The following CCDC22 variants were observed in gnomAD, a reference collection of about 807,000 sequenced individuals.
The protein encoded by CCDC22 is CCC complex scaffolding subunit CCDC22.
A neutral mutation model predicts 53.1 loss-of-function variants in CCDC22; 4 were observed. The ratio of observed to expected loss-of-function variants is 0.08; its 90% CI spans 0.04 to 0.17. The LOEUF is 0.17. Ranked by LOEUF, CCDC22 falls within the 10% of genes least tolerant of loss-of-function variation. The probability of loss-of-function intolerance (pLI) is 1.00; values close to 1 mark genes in which losing one functional copy is unlikely to be tolerated. For synonymous variants in CCDC22, 222 were observed against 224.4 expected, an observed-to-expected ratio of 0.99 and a Z score of 0.10; for missense variants, 458 against 554.0, an observed-to-expected ratio of 0.83 and a Z score of 1.74.
chrX:49,241,981 T>C (rs2065965844), intron 2 of CCDC22, 35 bp from the exon 3 acceptor site: 9 of 1,204,675 alleles, frequency 7.5e-6, no homozygotes, highest in Non-Finnish European at 1.0e-5. Flanking sequence ...AGGAGGACCC[T>C]GCCTGCTTCC....
rs782032185 is a variant in CCDC22 at position 49,242,853 on chromosome X, A to T, written c.362-33A>T. The T allele has an allele frequency of 9.6e-6, 9 of 939,284 alleles. No homozygotes were observed. The East Asian group carries it at 3.1e-4, about 32-fold the overall frequency. The allele number at this position is 939,284 out of a possible 1,213,427, so 77.4% of individuals were successfully genotyped here. A position where few individuals can be genotyped will look rare whatever the true frequency, so the allele number is the denominator to read the frequency against. On this transcript the variant is annotated intron_variant, in intron 3 of 16. Coordinates refer to ENST00000376227, the MANE Select transcript of CCDC22 (RefSeq NM_014008.5). ...ATGCCCTTTTGGATTTGCAGCATTGACATCTGATTCACTTCCTCCCTATCC... is the reference window on the plus strand; with the variant it reads ...ATGCCCTTTTGGATTTGCAGCATTGTCATCTGATTCACTTCCTCCCTATCC...
Position 49,243,142 on chromosome X carries a change from C to T in CCDC22, c.493C>T (p.His165Tyr), listed in dbSNP as rs1557113636. 2 of 1,211,783 alleles carry T rather than the reference C, an allele frequency of 1.7e-6. No individual in the cohort carries two copies. The highest frequency in any genetic ancestry group is 2.2e-5 in the Admixed American group (1 of 46,102). Reference sequence around the variant, plus strand: ...GGGCTCGGCCCTCCAGAAGCCTTTCCATGCCAGCAGGCTGGTCGTGCCAGA... The same window carrying T: ...GGGCTCGGCCCTCCAGAAGCCTTTCTATGCCAGCAGGCTGGTCGTGCCAGA... ...LQGSALQKPF[H>Y]ASRLVVPELS... Residue 165 changes from histidine (H) to tyrosine (Y), a missense_variant, in exon 5 of 17, where the codon CAT becomes TAT. Transcript: ENST00000376227.
chrX:49,238,489 T>C (rs1279128917), intron 2 of CCDC22, among the ~76,000 whole-genome samples: 1 of 112,846 alleles, frequency 8.9e-6, no homozygotes, highest in Non-Finnish European at 1.9e-5. Flanking sequence ...CAAAAGAGTG[T>C]CTGCTATATT....
chrX:49,236,894 T>C, intron 1 of CCDC22, 192 bp from the exon 2 acceptor site: 1 of 381,559 alleles, frequency 2.6e-6, no homozygotes. Context: ...CTCCAAGATC[T>C]TAGGACTTGA....
intron 6 of CCDC22, among the ~76,000 whole-genome samples, chrX:49,244,367 C>T (rs1238137173): frequency 2.7e-5 from 3 of 109,546 alleles, no homozygotes; most frequent in Non-Finnish European, 5.7e-5. Flanking sequence ...CTGTATCTCT[C>T]CCCTTCCTTG....
intron 2 of CCDC22, among the ~76,000 whole-genome samples, chrX:49,238,963 C>G (rs2065951522): frequency 9.0e-6 from 1 of 111,252 alleles, no homozygotes; most frequent in Admixed American, 9.5e-5. Context: ...TAATGCCACT[C>G]CCCCTGGCTC....
intron 2 of CCDC22, among the ~76,000 whole-genome samples, chrX:49,239,936 A>G (rs1191737517): frequency 9.2e-6 from 1 of 109,206 alleles, no homozygotes; most frequent in African/African-American, 3.3e-5. Flanking sequence ...GTTAGTGACT[A>G]TGGCTTTTCC....
intron 7 of CCDC22, 113 bp downstream of exon 7, chrX:49,247,038 C>T: frequency 1.5e-6 from 1 of 668,409 alleles, no homozygotes; most frequent in Non-Finnish European, 2.3e-6. Flanking sequence ...TCCCACTGGA[C>T]AGGCCCTCGC....
In CCDC22 at chrX:49,242,959, C is replaced by T; in HGVS notation, c.435C>T (p.Pro145=). The change falls in exon 4 of 17, where the codon CCC becomes CCT. Residue 145 remains proline, a synonymous_variant. Transcript: ENST00000376227. Reference sequence around the variant, plus strand: ...AGCTGGCACTGCCTTGGGTCCCGCCCCACCTTCGCACTCCCAAGCTGCAGC... The same window carrying T: ...AGCTGGCACTGCCTTGGGTCCCGCCTCACCTTCGCACTCCCAAGCTGCAGC... ...RDQLALPWVP[P]HLRTPKLQHL... is the part of the protein sequence containing the mutation. The T allele has an allele frequency of 8.6e-7, 1 of 1,165,017 alleles. No homozygotes were observed.
At position 49,248,743 on chromosome X, in the gene CCDC22, T is replaced by A; in HGVS notation, c.1431+9T>A. ...AGGTCTATAAGCAGCTGGTAAGGCC[T>A]GTGTGAGGGACCTGGGTAGCTTAGG... On this transcript the variant is annotated intron_variant, in intron 12 of 16. Transcript: ENST00000376227. 8.3e-7 allele frequency: 1 copy of A among 1,208,274 alleles called. No individual in the cohort carries two copies. The highest frequency in any genetic ancestry group is 2.2e-5 in the Admixed American group (1 of 45,640).
At chrX:49,238,075 C>CTTTTTTTT (rs58787414) in intron 2 of CCDC22, among the ~76,000 whole-genome samples, 9 of 84,366 alleles carry the variant, frequency 1.1e-4, no homozygotes, top group Admixed American at 1.3e-4. Context: ...TTCTTTTTTT[C>CTTTTTTTT]TTTTTTTTTT....
At chrX:49,240,671 G>A (rs1336555891) in intron 2 of CCDC22, among the ~76,000 whole-genome samples, 2 of 111,649 alleles carry the variant, frequency 1.8e-5, no homozygotes, top group Non-Finnish European at 3.8e-5. Flanking sequence ...TAGCCCCCCC[G>A]CAACTCAGCA....
chrX:49,245,988 T>G (rs782086967), intron 6 of CCDC22, among the ~76,000 whole-genome samples: 1 of 110,572 alleles, frequency 9.0e-6, no homozygotes, highest in African/African-American at 3.3e-5. Flanking sequence ...TTTTTGTTTT[T>G]TTTTGTTTTG....
intron 2 of CCDC22, among the ~76,000 whole-genome samples, chrX:49,238,075 C>CTTTTTTTTTTTTT (rs58787414): frequency 1.2e-5 from 1 of 84,375 alleles, no homozygotes; most frequent in Non-Finnish European, 2.3e-5. Context: ...TTCTTTTTTT[C>CTTTTTTTTTTTTT]TTTTTTTTTT....
chrX:49,235,851 ACACACACACACACG>A (rs3220946), intron 1 of CCDC22, among the ~76,000 whole-genome samples, 165 bp downstream of exon 1: 1 of 100,427 alleles, frequency 1.0e-5, no homozygotes, highest in African/African-American at 3.6e-5. Flanking sequence ...ACACACACAC[ACACACACACACACG>A]CACACACACA....
chrX:49,241,443 C>T (rs781892733), intron 2 of CCDC22, among the ~76,000 whole-genome samples: 22 of 103,382 alleles, frequency 2.1e-4, no homozygotes, highest in African/African-American at 2.9e-4. Flanking sequence ...GCCAAGATCA[C>T]GCTACTGCAC....
chrX:49,240,916 G>GTATATTC (rs1644221512), intron 2 of CCDC22, among the ~76,000 whole-genome samples: 1 of 112,456 alleles, frequency 8.9e-6, no homozygotes, highest in Admixed American at 9.4e-5. Flanking sequence ...TTGTGACCCA[G>GTATATTC]TATACTCCTA....
Position 49,242,006 on chromosome X carries a change from C to G in CCDC22, c.229-10C>G. The G allele has an allele frequency of 8.3e-7, 1 of 1,210,037 alleles. No individual in the cohort carries two copies. The highest frequency in any genetic ancestry group is 1.7e-5 in the African/African-American group (1 of 57,544). On this transcript the variant is annotated splice_polypyrimidine_tract_variant and intron_variant, in intron 2 of 16. Transcript: ENST00000376227. Reference sequence around the variant, plus strand: ...TGCCTGCTTCCTGATAGCCGCCCACCAACCCTCAGGACCTGGGCTATCCCT... The same window carrying G: ...TGCCTGCTTCCTGATAGCCGCCCACGAACCCTCAGGACCTGGGCTATCCCT...
At position 49,249,289 on chromosome X, in the gene CCDC22, G is replaced by A. The variant is rs782008460; in HGVS notation, c.1635+27G>A. 3 of 1,101,006 alleles carry A rather than the reference G, an allele frequency of 2.7e-6. No individual in the cohort carries two copies. The South Asian group carries it at 5.6e-5, about 21-fold the overall frequency. The allele number at this position is 1,101,006 out of a possible 1,213,427, so 90.7% of individuals were successfully genotyped here. On this transcript the variant is annotated intron_variant, in intron 14 of 16. Transcript: ENST00000376227. ...TGTGGGGCAGGTTGGGCGGGGGTGAGTGGGGTGAGGCTGGGCTGCTGCCTT... is the reference window on the plus strand; with the variant it reads ...TGTGGGGCAGGTTGGGCGGGGGTGAATGGGGTGAGGCTGGGCTGCTGCCTT...
Sources: gnomAD v4.1 joint callset for allele counts (sites outside exome capture counted in the v4.1 genomes callset) on GRCh38, gnomAD v4.1.1 for gene constraint, MANE v1.5 for transcripts, NCBI Gene and HGNC (gene_info 2026-07-23, HGNC 2026-07-21) for gene names.